ARID4B: variants seen among roughly 807,000 people sequenced by gnomAD.
ARID4B encodes the protein AT-rich interactive domain-containing protein 4B.
ARID4B carries 26 observed loss-of-function variants against 147.5 expected under a neutral mutation model. That is an observed-to-expected ratio of 0.18 (90% confidence interval 0.13 to 0.24). The LOEUF is 0.24. Ranked by LOEUF, ARID4B falls within the 10% of genes least tolerant of loss-of-function variation. ARID4B has a pLI of 1.00. For synonymous variants in ARID4B, 512 were observed against 507.9 expected, an observed-to-expected ratio of 1.01 and a Z score of -0.11; for missense variants, 1,179 against 1,511.5, an observed-to-expected ratio of 0.78 and a Z score of 3.65.
intron 2 of ARID4B, 45 bp from the exon 3 acceptor site, chr1:235,260,797 T>C (rs781645043): frequency 1.5e-6 from 2 of 1,360,816 alleles, no homozygotes; most frequent in Middle Eastern, 1.8e-4. Context: ...TCTCTAATTC[T>C]TTCCCATAAT....
At chr1:235,245,304 A>T (rs975319980) in intron 7 of ARID4B, among the ~76,000 whole-genome samples, 5 of 152,210 alleles carry the variant, frequency 3.3e-5, no homozygotes, top group Non-Finnish European at 5.9e-5. Context: ...AGAAACATCT[A>T]ACAGTTGGGG....
At chr1:235,308,444 T>TCCCCCC (rs1673737259) in intron 2 of ARID4B, among the ~76,000 whole-genome samples, 1 of 94,918 alleles carries the variant, frequency 1.1e-5, no homozygotes, top group Admixed American at 1.1e-4. Context: ...GGGCTCCCCC[T>TCCCCCC]CCCCCTCCCC....
At chr1:235,280,551 A>T (rs549642343) in intron 2 of ARID4B, among the ~76,000 whole-genome samples, 1 of 152,396 alleles carries the variant, frequency 6.6e-6, no homozygotes, top group South Asian at 2.1e-4. Context: ...CTCGCCACGC[A>T]AACGGCTCCT....
At chr1:235,232,224 A>G (rs1668282654) in intron 9 of ARID4B, among the ~76,000 whole-genome samples, 1 of 152,110 alleles carries the variant, frequency 6.6e-6, no homozygotes, top group Non-Finnish European at 1.5e-5. Context: ...GTTCAAGACC[A>G]GCCTGACCAA....
intron 16 of ARID4B, among the ~76,000 whole-genome samples, chr1:235,216,678 T>C (rs1168244682): frequency 1.3e-5 from 2 of 152,110 alleles, no homozygotes; most frequent in Non-Finnish European, 2.9e-5. Flanking sequence ...TTGAAAATAA[T>C]ATTTCTATTA....
At chr1:235,190,364 C>G (rs1181192211) in intron 19 of ARID4B, among the ~76,000 whole-genome samples, 2 of 151,948 alleles carry the variant, frequency 1.3e-5, no homozygotes, top group South Asian at 4.2e-4. Context: ...AGGAGAAACA[C>G]TTGAACCCAG....
Position 235,224,087 on chromosome 1 carries a change from G to T in ARID4B, c.970+616C>A, listed in dbSNP as rs181758544. Reference sequence around the variant, plus strand: ...TCTACTCATCAGCATTACAATCAGGGATTTAGAAAACGTTCAATTCCCAGA... The same window carrying T: ...TCTACTCATCAGCATTACAATCAGGTATTTAGAAAACGTTCAATTCCCAGA... On this transcript the variant is annotated intron_variant, in intron 12 of 23. Transcript: ENST00000264183. Among the ~76,000 whole-genome samples, 291 of 152,238 alleles carry T rather than the reference G, an allele frequency of 1.9e-3. 2 individuals are homozygous for T. The highest frequency in any genetic ancestry group is 1.2e-3 in the East Asian group (6 of 5,182).
intron 11 of ARID4B, chr1:235,228,232 A>G (rs1251596298): frequency 6.6e-6 from 1 of 150,644 alleles, no homozygotes; most frequent in Non-Finnish European, 1.5e-5. Flanking sequence ...TCATGAGGTG[A>G]CAGCTGTCAA....
Position 235,246,497 on chromosome 1 carries a change from G to A in ARID4B, c.369C>T (p.Leu123=), listed in dbSNP as rs1669305718. Reference sequence around the variant, plus strand: ...CAAAATGCTCAGGGTTGGTGAGTGGGAGCTGGTCTAATGTCTGTGGGTAAG... The same window carrying A: ...CAAAATGCTCAGGGTTGGTGAGTGGAAGCTGGTCTAATGTCTGTGGGTAAG... ...HFAESETLDQ[L]PLTNPEHFGT... Residue 123 remains leucine (L), a synonymous_variant, in exon 7 of 24, where the codon CTC becomes CTT. Coordinates refer to ENST00000264183, the MANE Select transcript of ARID4B (RefSeq NM_016374.6). 6.2e-7 allele frequency: 1 copy of A among 1,613,294 alleles called. No individual in the cohort carries two copies. Among genetic ancestry groups the A allele is most frequent in the Non-Finnish European group, 8.5e-7 (1 of 1,179,426 alleles).
intron 2 of ARID4B, among the ~76,000 whole-genome samples, chr1:235,293,077 A>G (rs148526693): frequency 2.4e-4 from 36 of 152,326 alleles, no homozygotes; most frequent in African/African-American, 8.2e-4. Context: ...CAGAGCTCCT[A>G]TTTTATTAAC....
In ARID4B at chr1:235,194,081, T is replaced by C; in HGVS notation, c.2057A>G (p.Asp686Gly). The change falls in exon 19 of 24, where the codon GAT (aspartate) becomes GGT (glycine). Residue 686 changes from aspartate (D) to glycine (G), a missense_variant. Physicochemically the swap from Asp to Gly is moderately conservative, Grantham distance 94. This residue lies in a region of ARID4B where 321 missense variants were observed against 342.4 expected (regional missense o/e 0.94). Transcript: ENST00000264183. ...ATGAGCAGTATCAGAGTTTTTGGCA[T>C]CAGTGAGATCCAGTTTGGATACCAT... ...PEMVSKLDLT[D>G]AKNSDTAHIK... The C allele has an allele frequency of 5.6e-6, 9 of 1,613,296 alleles. No homozygotes were observed. The highest frequency in any genetic ancestry group is 6.8e-6 in the Non-Finnish European group (8 of 1,179,264).
At chr1:235,300,617 TTCA>T (rs982515237) in intron 2 of ARID4B, among the ~76,000 whole-genome samples, 12 of 152,260 alleles carry the variant, frequency 7.9e-5, no homozygotes, top group Admixed American at 5.9e-4. Context: ...CTCAATAAAC[TTCA>T]TCATTTTTAA....
Position 235,196,077 on chromosome 1 carries a change from G to T in ARID4B, c.1880C>A (p.Pro627His). 6.3e-7 allele frequency: 1 copy of T among 1,598,614 alleles called. No individual in the cohort carries two copies. Among genetic ancestry groups the T allele is most frequent in the South Asian group, 1.1e-5 (1 of 87,790 alleles). ...EWIKADKIVR[P>H]ADKNVPKIKH... ...TATCTTTGGCACATTTTTATCAGCA[G>T]GTCTTACTATTTTATCTGCTTTAAT... The change falls in exon 18 of 24, where the codon CCT becomes CAT. Residue 627 changes from proline (P) to histidine (H), a missense_variant. Physicochemically the swap from Pro to His is moderately conservative, Grantham distance 77 (BLOSUM62 -2). Around this residue, in one of 10 missense-constraint regions of ARID4B, gnomAD observed 321 missense variants for 342.4 expected, o/e 0.94. Transcript: ENST00000264183.
intron 23 of ARID4B, among the ~76,000 whole-genome samples, chr1:235,171,347 C>T (rs1021987787): frequency 3.9e-5 from 6 of 151,944 alleles, no homozygotes; most frequent in African/African-American, 7.3e-5. Flanking sequence ...GCAGGATAAT[C>T]GCTTGAACTC....
chr1:235,216,314 C>CAA (rs1667073428), intron 16 of ARID4B, among the ~76,000 whole-genome samples: 1 of 146,808 alleles, frequency 6.8e-6, no homozygotes, highest in Non-Finnish European at 1.5e-5. Flanking sequence ...TATGTATACA[C>CAA]ACACACACAC....
At chr1:235,188,089 T>G (rs756459478) in intron 19 of ARID4B, among the ~76,000 whole-genome samples, 1 of 152,062 alleles carries the variant, frequency 6.6e-6, no homozygotes, top group Admixed American at 6.6e-5. Flanking sequence ...ATTACACATA[T>G]AGGATAAATA....
chr1:235,238,153 A>AAAAAAAAAAAAAGAAAAGAAAAG (rs61179792), intron 8 of ARID4B, among the ~76,000 whole-genome samples: 1 of 141,764 alleles, frequency 7.1e-6, no homozygotes, highest in African/African-American at 2.8e-5. Flanking sequence ...CAAAAAAAAA[A>AAAAAAAAAAAAAGAAAAGAAAAG]AAAAGAAAAG....
chr1:235,256,808 T>C (rs1334273430), intron 4 of ARID4B, among the ~76,000 whole-genome samples: 1 of 151,740 alleles, frequency 6.6e-6, no homozygotes, highest in Non-Finnish European at 1.5e-5. Context: ...TAAATAAATG[T>C]AGTCAATGCT....
At position 235,242,197 on chromosome 1, in the gene ARID4B, G is replaced by A. The variant is rs896033792; in HGVS notation, c.447-1746C>T. On this transcript the variant is annotated intron_variant, in intron 7 of 23. Coordinates refer to ENST00000264183, the MANE Select transcript of ARID4B (RefSeq NM_016374.6). ...CGGGAGGCGGAGGTTGCAGTGAGCC[G>A]ATATCGCACCACTGCACTCCAGCCT... Among the ~76,000 whole-genome samples the A allele has an allele frequency of 4.7e-5, 7 of 150,534 alleles. No individual in the cohort carries two copies. In the East Asian group the frequency reaches 7.8e-4, roughly 17 times the overall value.
Sources: allele counts gnomAD v4.1 joint callset (sites outside exome capture counted in the v4.1 genomes callset), GRCh38; gene constraint gnomAD v4.1.1; regional missense constraint gnomAD v4.1.1; transcripts MANE v1.5; gene names NCBI Gene and HGNC (gene_info 2026-07-23, HGNC 2026-07-21).